TBL1XR1: variants seen among roughly 807,000 people sequenced by gnomAD.
The protein encoded by TBL1XR1 is TBL1X/Y related 1.
In TBL1XR1, 5 loss-of-function variants were observed where a neutral mutation model predicts 66.9. The observed-to-expected ratio is 0.07, with a 90% confidence interval of 0.04 to 0.16. The LOEUF (loss-of-function observed/expected upper bound fraction) is 0.16. Among genes scored for constraint, TBL1XR1 ranks in the 10% least tolerant of loss-of-function variants. TBL1XR1 has a pLI of 1.00. For synonymous variants in TBL1XR1, 210 were observed against 206.0 expected, an observed-to-expected ratio of 1.02 and a Z score of -0.17; for missense variants, 238 against 623.2, an observed-to-expected ratio of 0.38 and a Z score of 6.58.
At chr3:177,133,642 C>CTA (rs1399962193) in intron 1 of TBL1XR1, among the ~76,000 whole-genome samples, 1 of 152,080 alleles carries the variant, frequency 6.6e-6, no homozygotes, top group Non-Finnish European at 1.5e-5. Context: ...TGGCTCACAC[C>CTA]TGTAATGCCA....
chr3:177,138,445 T>C (rs1729246618), intron 1 of TBL1XR1, among the ~76,000 whole-genome samples: 1 of 151,984 alleles, frequency 6.6e-6, no homozygotes, highest in African/African-American at 2.4e-5. Context: ...AAGTAAAAAT[T>C]AGTTGGGGTG....
At chr3:177,039,777 G>A (rs756085171) in intron 10 of TBL1XR1, among the ~76,000 whole-genome samples, 12 of 152,158 alleles carry the variant, frequency 7.9e-5, no homozygotes, top group Non-Finnish European at 1.3e-4. Flanking sequence ...CAATGGGGGA[G>A]GAGGGGATCA....
intron 14 of TBL1XR1, among the ~76,000 whole-genome samples, chr3:177,028,051 G>A (rs979429797): frequency 2.6e-5 from 4 of 152,108 alleles, no homozygotes; most frequent in South Asian, 2.1e-4. Flanking sequence ...GGGCTATAAC[G>A]AACCAAAACA....
At position 177,022,832 on chromosome 3, in the gene TBL1XR1, T is replaced by C. The variant is rs555567373; in HGVS notation, c.*2666A>G. ...ATCGTGGCACATCAGCAGGCAATGA[T>C]GATGTTGAGAACAGCAGCAAAAATA... is the stretch of plus-strand genomic sequence containing the variant. On this transcript the variant is annotated 3_prime_UTR_variant, in exon 16 of 16. Coordinates refer to ENST00000457928, the MANE Select transcript of TBL1XR1 (RefSeq NM_024665.7). The C allele has an allele frequency of 6.6e-6, 1 of 152,574 alleles. No individual in the cohort carries two copies. Among genetic ancestry groups the C allele is most frequent in the Non-Finnish European group, 1.5e-5 (1 of 67,920 alleles). The allele number at this position is 152,574 out of a possible 1,614,324, so 9.5% of individuals were successfully genotyped here. A position where few individuals can be genotyped will look rare whatever the true frequency, so the allele number is the denominator to read the frequency against.
At chr3:177,114,228 T>C (rs1242012888) in intron 1 of TBL1XR1, among the ~76,000 whole-genome samples, 1 of 151,586 alleles carries the variant, frequency 6.6e-6, no homozygotes, top group African/African-American at 2.4e-5. Flanking sequence ...TATATATACA[T>C]ACACATCATA....
chr3:177,141,173 TAAAC>T (rs780732962), intron 1 of TBL1XR1, among the ~76,000 whole-genome samples: 1 of 152,180 alleles, frequency 6.6e-6, no homozygotes, highest in Non-Finnish European at 1.5e-5. Context: ...AAGCAAGAAA[TAAAC>T]AACTATTAAC....
chr3:177,027,137 A>C (rs1018082402), intron 14 of TBL1XR1: 9 of 152,252 alleles, frequency 5.9e-5, no homozygotes, highest in African/African-American at 1.9e-4. Flanking sequence ...CTAGGATTAC[A>C]AGTGCATGCC....
At chr3:177,089,541 T>G (rs1256905576) in intron 2 of TBL1XR1, among the ~76,000 whole-genome samples, 1 of 152,208 alleles carries the variant, frequency 6.6e-6, no homozygotes, top group Admixed American at 6.5e-5. Flanking sequence ...CAGCCTCCTT[T>G]TCCCTTTCTG....
At position 177,154,640 on chromosome 3, in the gene TBL1XR1, C is replaced by T. The variant is rs527407757; in HGVS notation, c.-122+42481G>A. Among the ~76,000 whole-genome samples the T allele has an allele frequency of 4.4e-4, 67 of 152,198 alleles. No homozygotes were observed. In the South Asian group the frequency reaches 5.6e-3, roughly 13 times the overall value. The stretch of plus-strand genomic sequence containing the variant: ...TCAAACTACTAACTTCATGATCTGC[C>T]CGCCTCAGCCTCCCGGAGTGCTAAG... On this transcript the variant is annotated intron_variant, in intron 1 of 15. Transcript: ENST00000457928.
chr3:177,054,762 A>G (rs553098084), intron 3 of TBL1XR1, among the ~76,000 whole-genome samples: 1 of 152,310 alleles, frequency 6.6e-6, no homozygotes, highest in Non-Finnish European at 1.5e-5. Flanking sequence ...TCTATATGAA[A>G]TATTTAAGAA....
chr3:177,052,937 T>C lies in TBL1XR1; in HGVS notation c.204+836A>G, dbSNP rs986080834. On this transcript the variant is annotated intron_variant, in intron 4 of 15. Transcript: ENST00000457928. ...GGCCAACATGGGGAAACCCTGTCTC[T>C]ACAAAAATTCAAAAATTAGCTGGGC... Among the ~76,000 whole-genome samples, 37 of 151,968 alleles carry C rather than the reference T, an allele frequency of 2.4e-4. 1 individual carries two copies. Among genetic ancestry groups the C allele is most frequent in the Non-Finnish European group, 5.1e-4 (35 of 67,992 alleles).
At chr3:177,200,205 C>T (rs1264950996), upstream of TBL1XR1, among the ~76,000 whole-genome samples, 2 of 152,170 alleles carry the variant, frequency 1.3e-5, no homozygotes, top group Non-Finnish European at 2.9e-5. Flanking sequence ...CTCCCGACCT[C>T]AAGTCATCTG....
At chr3:177,100,835 T>TG (rs575948513) in intron 1 of TBL1XR1, among the ~76,000 whole-genome samples, 9 of 151,814 alleles carry the variant, frequency 5.9e-5, no homozygotes, top group African/African-American at 1.9e-4. Context: ...GTTTAAGTAT[T>TG]GGCTCTGCTA....
chr3:177,185,260 T>TA (rs1389722707), intron 1 of TBL1XR1, among the ~76,000 whole-genome samples: 4 of 152,222 alleles, frequency 2.6e-5, no homozygotes, highest in African/African-American at 9.6e-5. Context: ...CACATACTCA[T>TA]ACACACTGTA....
At chr3:177,164,484 G>C (rs1732589856) in intron 1 of TBL1XR1, among the ~76,000 whole-genome samples, 1 of 152,012 alleles carries the variant, frequency 6.6e-6, no homozygotes, top group South Asian at 2.1e-4. Context: ...CGAGTAGCTG[G>C]GATTACAAGC....
chr3:177,099,742 T>C (rs566899295), intron 1 of TBL1XR1, among the ~76,000 whole-genome samples: 1 of 152,240 alleles, frequency 6.6e-6, no homozygotes, highest in Non-Finnish European at 1.5e-5. Context: ...TAGATACCAC[T>C]AGGCTCTGTT....
rs905579396 is a variant in TBL1XR1, at chr3:177,034,057, T to C, written c.1250+141A>G. 14 of 891,014 alleles carry C rather than the reference T, an allele frequency of 1.6e-5. No individual in the cohort carries two copies. The African/African-American group carries it at 2.1e-4, about 13-fold the overall frequency. The allele number at this position is 891,014 out of a possible 1,614,324, so 55.2% of individuals were successfully genotyped here. On this transcript the variant is annotated intron_variant, in intron 13 of 15. Transcript: ENST00000457928. ...TTTATTCTTGTAGCCAAAAACCACC[T>C]ATACACCAAAAACTACTGAAATTGG...
chr3:177,143,036 A>C (rs551283487), intron 1 of TBL1XR1, among the ~76,000 whole-genome samples: 16 of 151,708 alleles, frequency 1.1e-4, no homozygotes, highest in Non-Finnish European at 1.8e-4. Flanking sequence ...TTCACTATTT[A>C]AAATAGCACT....
intron 2 of TBL1XR1, among the ~76,000 whole-genome samples, chr3:177,087,637 G>C (rs907844035): frequency 1.3e-5 from 2 of 151,976 alleles, no homozygotes; most frequent in African/African-American, 4.8e-5. Context: ...TATGAAACTA[G>C]AAGTTCCTGT....
Sources: gnomAD v4.1 joint callset for allele counts (sites outside exome capture counted in the v4.1 genomes callset) on GRCh38, gnomAD v4.1.1 for gene constraint, MANE v1.5 for transcripts, NCBI Gene and HGNC (gene_info 2026-07-23, HGNC 2026-07-21) for gene names.